Variants in HNF4G observed in about 807,000 individuals in gnomAD.
HNF4G encodes the protein hepatocyte nuclear factor 4-gamma.
Under a neutral mutation model 50.9 loss-of-function variants are expected in HNF4G, and 21 were observed. The observed-to-expected ratio is 0.41, with a 90% CI of 0.29 to 0.59. The LOEUF (loss-of-function observed/expected upper bound fraction) is 0.59. Among genes scored for constraint, HNF4G ranks in the 20% least tolerant of loss-of-function variants. The probability of loss-of-function intolerance (pLI) is 0.26; values close to 1 mark genes in which losing one functional copy is unlikely to be tolerated. For synonymous variants in HNF4G, 198 were observed against 185.6 expected, an observed-to-expected ratio of 1.07 and a Z score of -0.54; for missense variants, 527 against 559.4, an observed-to-expected ratio of 0.94 and a Z score of 0.58.
upstream of HNF4G, among the ~76,000 whole-genome samples, chr8:75,537,437 C>T (rs964021824): frequency 4.0e-5 from 6 of 151,784 alleles, no homozygotes; most frequent in Admixed American, 3.3e-4. Flanking sequence ...GTAGAGATAG[C>T]GTTTTGCCAT....
intron 2 of HNF4G, among the ~76,000 whole-genome samples, chr8:75,521,217 A>G (rs1806032185): frequency 6.6e-6 from 1 of 152,212 alleles, no homozygotes; most frequent in Admixed American, 6.5e-5. Context: ...ATATTCCTTA[A>G]GTTTTCCCAG....
rs1806570707 is a variant in HNF4G at position 75,540,048 on chromosome 8, T to C, written c.86T>C (p.Phe29Ser). 1.2e-6 allele frequency: 2 copies of C among 1,603,850 alleles called. No homozygotes were observed. The highest frequency in any genetic ancestry group is 1.7e-6 in the Non-Finnish European group (2 of 1,170,944). The change falls in exon 1 of 10, where the codon TTT (phenylalanine) becomes TCT (serine). Residue 29 changes from phenylalanine (F) to serine (S), a missense_variant. Coordinates refer to ENST00000396423, the MANE Select transcript of HNF4G (RefSeq NM_004133.5). ...VLDPTYTTLEFETMQILYNSS... is the reference protein window; with the variant it reads ...VLDPTYTTLESETMQILYNSS... ...GACCCAACTTACACAACTTTGGAGT[T>C]TGAAACTATGCAGATTCTATATAAT... is the stretch of plus-strand genomic sequence containing the variant.
upstream of HNF4G, among the ~76,000 whole-genome samples, chr8:75,537,786 A>G (rs977195074): frequency 2.0e-5 from 3 of 152,146 alleles, no homozygotes; most frequent in African/African-American, 7.2e-5. Context: ...AAGAACCCCA[A>G]TCAGTGCATT....
chr8:75,555,032 G>A (rs1051559447), intron 5 of HNF4G, among the ~76,000 whole-genome samples: 2 of 152,146 alleles, frequency 1.3e-5, no homozygotes, highest in Non-Finnish European at 1.5e-5. Context: ...GGGCTGGGAG[G>A]CAAAGCACTG....
intron 1 of HNF4G, among the ~76,000 whole-genome samples, chr8:75,443,412 A>G (rs1306530784): frequency 1.3e-5 from 2 of 152,236 alleles, no homozygotes; most frequent in African/African-American, 4.8e-5. Context: ...TTATTGCAAT[A>G]ATTATATGAC....
intron 1 of HNF4G, among the ~76,000 whole-genome samples, chr8:75,437,425 A>G (rs2130536365): frequency 6.6e-6 from 1 of 152,304 alleles, no homozygotes; most frequent in East Asian, 1.9e-4. Context: ...CTAGAAATCT[A>G]TTTGGAATCA....
chr8:75,512,745 T>A (rs888516787), intron 2 of HNF4G, among the ~76,000 whole-genome samples: 3 of 152,140 alleles, frequency 2.0e-5, no homozygotes, highest in Non-Finnish European at 2.9e-5. Context: ...ATTACAGGTG[T>A]GAGCCACCGC....
At chr8:75,483,221 A>G (rs779471353) in intron 1 of HNF4G, among the ~76,000 whole-genome samples, 96 of 151,904 alleles carry the variant, frequency 6.3e-4, no homozygotes, top group Non-Finnish European at 2.4e-4. Flanking sequence ...CTATATTAAA[A>G]TATTTATTCA....
At chr8:75,458,652 G>A (rs1345047676) in intron 1 of HNF4G, among the ~76,000 whole-genome samples, 2 of 152,038 alleles carry the variant, frequency 1.3e-5, no homozygotes, top group Non-Finnish European at 2.9e-5. Flanking sequence ...TAAATGCCTG[G>A]TACATGTGAA....
At chr8:75,473,292 G>A (rs867514757) in intron 1 of HNF4G, among the ~76,000 whole-genome samples, 9 of 149,432 alleles carry the variant, frequency 6.0e-5, no homozygotes, top group South Asian at 2.1e-4. Context: ...GCAAGACTCC[G>A]TCTCAAAAAA....
At chr8:75,502,331 T>A (rs1812952154) in intron 2 of HNF4G, among the ~76,000 whole-genome samples, 1 of 152,192 alleles carries the variant, frequency 6.6e-6, no homozygotes, top group Admixed American at 6.5e-5. Flanking sequence ...ATACCCTGTA[T>A]AAACACAGTA....
At chr8:75,466,003 G>A (rs895715206) in intron 1 of HNF4G, among the ~76,000 whole-genome samples, 14 of 152,090 alleles carry the variant, frequency 9.2e-5, no homozygotes, top group African/African-American at 3.4e-4. Context: ...GAGTAAATAT[G>A]TATGAAAATT....
At chr8:75,516,879 A>G (rs1805901646) in intron 2 of HNF4G, among the ~76,000 whole-genome samples, 1 of 152,124 alleles carries the variant, frequency 6.6e-6, no homozygotes, top group African/African-American at 2.4e-5. Context: ...AGCTACTCCA[A>G]CTTCATTTTA....
intron 1 of HNF4G, among the ~76,000 whole-genome samples, chr8:75,433,691 G>A (rs1266343508): frequency 6.6e-6 from 1 of 151,926 alleles, no homozygotes; most frequent in African/African-American, 2.4e-5. Context: ...AAGCCACCAC[G>A]CTTAACTGAA....
intron 1 of HNF4G, among the ~76,000 whole-genome samples, chr8:75,460,037 T>C (rs1290588586): frequency 2.0e-5 from 3 of 151,816 alleles, no homozygotes; most frequent in Non-Finnish European, 4.4e-5. Flanking sequence ...TGTATGATGA[T>C]TCTGTATAAA....
chr8:75,505,528 A>G (rs959959866), intron 2 of HNF4G, among the ~76,000 whole-genome samples: 5 of 152,180 alleles, frequency 3.3e-5, no homozygotes, highest in Non-Finnish European at 7.4e-5. Flanking sequence ...TTTTGAAACA[A>G]TATTCACTCA....
intron 2 of HNF4G, among the ~76,000 whole-genome samples, chr8:75,529,221 G>A (rs1225033955): frequency 1.3e-5 from 2 of 152,148 alleles, no homozygotes; most frequent in Non-Finnish European, 2.9e-5. Context: ...AACCCGGCAG[G>A]CGGAGCTTGC....
At chr8:75,489,834 T>A (rs755581409) in intron 1 of HNF4G, among the ~76,000 whole-genome samples, 10 of 152,184 alleles carry the variant, frequency 6.6e-5, no homozygotes, top group Non-Finnish European at 1.5e-4. Flanking sequence ...TAGCCAGATA[T>A]TATGTCTATC....
intron 1 of HNF4G, among the ~76,000 whole-genome samples, chr8:75,436,542 G>C (rs934980241): frequency 6.6e-6 from 1 of 152,210 alleles, no homozygotes; most frequent in East Asian, 1.9e-4. Context: ...GTAGTTGCCC[G>C]AACAAAAGAT....
Sources: gnomAD v4.1 joint callset for allele counts (sites outside exome capture counted in the v4.1 genomes callset) on GRCh38, gnomAD v4.1.1 for gene constraint, MANE v1.5 for transcripts, NCBI Gene and HGNC (gene_info 2026-07-23, HGNC 2026-07-21) for gene names.